The following IL1RAPL1 variants were observed in gnomAD, a reference collection of about 807,000 sequenced individuals.
The protein encoded by IL1RAPL1 is interleukin-1 receptor accessory protein-like 1.
IL1RAPL1 carries 3 observed loss-of-function variants against 48.4 expected under a neutral mutation model. The ratio of observed to expected loss-of-function variants is 0.06; its 90% confidence interval spans 0.03 to 0.16. The LOEUF is 0.16. IL1RAPL1 is among the 10% of genes least tolerant of loss of function. IL1RAPL1 has a pLI of 1.00. For missense variants in IL1RAPL1, 349 were observed against 530.6 expected, an observed-to-expected ratio of 0.66 and a Z score of 3.36; for synonymous variants, 185 against 187.7, an observed-to-expected ratio of 0.99 and a Z score of 0.12.
chrX:29,932,572 C>G (rs1932964597), intron 8 of IL1RAPL1, among the ~76,000 whole-genome samples: 2 of 111,937 alleles, frequency 1.8e-5, no homozygotes, highest in Non-Finnish European at 3.8e-5. Flanking sequence ...TTGCCAAAAT[C>G]CTTTGCAGCT....
chrX:29,067,427 G>A (rs1013821329), intron 2 of IL1RAPL1, among the ~76,000 whole-genome samples: 1 of 112,161 alleles, frequency 8.9e-6, no homozygotes, highest in African/African-American at 3.2e-5. Flanking sequence ...TTGCTTAAGC[G>A]AAATGAAGAA....
chrX:28,668,353 G>A (rs1330915524), intron 1 of IL1RAPL1, among the ~76,000 whole-genome samples: 5 of 111,548 alleles, frequency 4.5e-5, no homozygotes, highest in Non-Finnish European at 9.4e-5. Flanking sequence ...CTGCCTCCTG[G>A]GTTCAAGTGA....
intron 6 of IL1RAPL1, among the ~76,000 whole-genome samples, chrX:29,880,808 C>T (rs771709351): frequency 5.4e-4 from 60 of 110,839 alleles, no homozygotes; most frequent in Non-Finnish European, 1.0e-3. Context: ...AAAGAGATAC[C>T]ACAATAATTA....
intron 2 of IL1RAPL1, among the ~76,000 whole-genome samples, chrX:29,110,368 G>A (rs1928537864): frequency 9.0e-6 from 1 of 111,709 alleles, no homozygotes; most frequent in Non-Finnish European, 1.9e-5. Context: ...CAATGGTCTG[G>A]AATTTAACGA....
At chrX:29,901,058 G>C (rs186268542) in intron 6 of IL1RAPL1, among the ~76,000 whole-genome samples, 1 of 111,437 alleles carries the variant, frequency 9.0e-6, no homozygotes, top group Non-Finnish European at 1.9e-5. Flanking sequence ...TTTTTTCCTC[G>C]TATTTCTGGT....
chrX:29,418,593 ACT>A (rs1379859138), intron 5 of IL1RAPL1, among the ~76,000 whole-genome samples: 1 of 111,304 alleles, frequency 9.0e-6, no homozygotes, highest in Non-Finnish European at 1.9e-5. Flanking sequence ...TAATGATATA[ACT>A]CTTTCAGAAT....
In IL1RAPL1 at chrX:29,293,060, C is replaced by T. The variant is rs144055048; in HGVS notation, c.362+9843C>T. Among the ~76,000 whole-genome samples, 462 of 111,314 alleles carry T rather than the reference C, an allele frequency of 4.2e-3. 3 individuals are homozygous for T. The highest frequency in any genetic ancestry group is 0.014 in the African/African-American group (426 of 30,697). On this transcript the variant is annotated intron_variant, in intron 3 of 10. Transcript: ENST00000378993. ...CTTGGAGATGGTGTTGAAGTTTAAG[C>T]CATATTTCCATGTCTGAGACACGAA...
At chrX:29,837,056 G>A (rs191317952) in intron 6 of IL1RAPL1, among the ~76,000 whole-genome samples, 1,638 of 107,712 alleles carry the variant, frequency 0.015, 38 homozygotes, top group African/African-American at 0.052. Flanking sequence ...TCAGGAGATG[G>A]AGACCATCCT....
chrX:29,025,707 C>G (rs886291551), intron 2 of IL1RAPL1, among the ~76,000 whole-genome samples: 3 of 111,501 alleles, frequency 2.7e-5, no homozygotes, highest in African/African-American at 9.8e-5. Context: ...AAAATACACT[C>G]CTTCTTTAGC....
intron 5 of IL1RAPL1, among the ~76,000 whole-genome samples, chrX:29,425,986 C>T (rs1028658338): frequency 9.0e-6 from 1 of 111,525 alleles, no homozygotes; most frequent in Non-Finnish European, 1.9e-5. Context: ...TTCAACTCTC[C>T]TTCCCTTTTC....
chrX:29,877,171 TC>T (rs2147212638), intron 6 of IL1RAPL1, among the ~76,000 whole-genome samples: 1 of 112,132 alleles, frequency 8.9e-6, no homozygotes, highest in African/African-American at 3.2e-5. Context: ...GTATATATTC[TC>T]CCCTGTAAAT....
intron 3 of IL1RAPL1, chrX:29,369,389 G>A (rs1267684102): frequency 9.0e-6 from 1 of 111,295 alleles, no homozygotes; most frequent in Non-Finnish European, 1.9e-5. Context: ...CATGCATTTG[G>A]TAGCATACCT....
At chrX:28,910,315 G>T (rs754235854) in intron 2 of IL1RAPL1, among the ~76,000 whole-genome samples, 4 of 111,307 alleles carry the variant, frequency 3.6e-5, no homozygotes, top group African/African-American at 1.3e-4. Context: ...TTTTAACAGT[G>T]ACAACAAGGA....
At chrX:29,634,113 G>A (rs1252955725) in intron 5 of IL1RAPL1, among the ~76,000 whole-genome samples, 1 of 112,071 alleles carries the variant, frequency 8.9e-6, no homozygotes, top group Non-Finnish European at 1.9e-5. Flanking sequence ...AAGATCGTGA[G>A]TCGATATTAC....
At chrX:29,282,809 G>A in intron 2 of IL1RAPL1, 129 bp from the exon 3 acceptor site, 1 of 649,497 alleles carries the variant, frequency 1.5e-6, no homozygotes, top group Admixed American at 2.7e-5. Flanking sequence ...TGTGCTCTGT[G>A]CCTAGAATAA....
At chrX:29,803,241 A>G (rs1362592341) in intron 6 of IL1RAPL1, among the ~76,000 whole-genome samples, 3 of 35,650 alleles carry the variant, frequency 8.4e-5, no homozygotes, top group Non-Finnish European at 1.6e-4. Context: ...ACATGTATAT[A>G]TGTATACATA....
chrX:29,439,851 GTTTTTTT>G (rs760458968), intron 5 of IL1RAPL1, among the ~76,000 whole-genome samples: 1 of 59,858 alleles, frequency 1.7e-5, no homozygotes, highest in East Asian at 6.3e-4. Context: ...TGTTTGTTTG[GTTTTTTT>G]TTTTTTTTTT....
At chrX:29,626,177 T>C (rs900971532) in intron 5 of IL1RAPL1, among the ~76,000 whole-genome samples, 2 of 112,280 alleles carry the variant, frequency 1.8e-5, no homozygotes, top group African/African-American at 6.5e-5. Flanking sequence ...TTTTTCCTCA[T>C]TGAAGTGCAG....
chrX:29,696,789 CT>C lies in IL1RAPL1; in HGVS notation c.778+28296del, dbSNP rs1186799835. Among the ~76,000 whole-genome samples the C allele has an allele frequency of 5.2e-3, 541 of 104,142 alleles. 3 individuals carry two copies. The highest frequency in any genetic ancestry group is 0.016 in the African/African-American group (452 of 28,943). 90.4% of individuals were successfully genotyped at this position (104,142 alleles called of 115,157 possible). On this transcript the variant is annotated intron_variant, in intron 6 of 10. Coordinates refer to ENST00000378993, the MANE Select transcript of IL1RAPL1 (RefSeq NM_014271.4). ...TTGTAGGCAAAATAATAACAATCGCCTTTTTTTTTTTAAATTGGTAGAGAGA... is the reference window on the plus strand; with the variant it reads ...TTGTAGGCAAAATAATAACAATCGCCTTTTTTTTTTAAATTGGTAGAGAGA...
Sources: allele counts gnomAD v4.1 joint callset (sites outside exome capture counted in the v4.1 genomes callset), GRCh38; gene constraint gnomAD v4.1.1; transcripts MANE v1.5; gene names NCBI Gene and HGNC (gene_info 2026-07-23, HGNC 2026-07-21).